The following ZC3H7A variants were observed in gnomAD, a reference collection of about 807,000 sequenced individuals.
ZC3H7A encodes the protein zinc finger CCCH-type containing 7A, also known as zinc finger CCCH domain-containing protein 7A.
ZC3H7A carries 44 observed loss-of-function variants against 125.5 expected under a neutral mutation model. The ratio of observed to expected loss-of-function variants is 0.35; its 90% CI spans 0.28 to 0.45. ZC3H7A has a LOEUF of 0.45. Among genes scored for constraint, ZC3H7A ranks in the 20% least tolerant of loss-of-function variants. The probability of loss-of-function intolerance (pLI) is 1.00; values close to 1 mark genes in which losing one functional copy is unlikely to be tolerated. For synonymous variants in ZC3H7A, 399 were observed against 391.2 expected, an observed-to-expected ratio of 1.02 and a Z score of -0.23; for missense variants, 977 against 1,170.7, an observed-to-expected ratio of 0.83 and a Z score of 2.41.
chr16:11,769,784 CTTTTT>C (rs200241879), intron 10 of ZC3H7A, among the ~76,000 whole-genome samples: 19 of 61,618 alleles, frequency 3.1e-4, no homozygotes, highest in African/African-American at 1.1e-3. Flanking sequence ...CAATTGCTTT[CTTTTT>C]TTTTTTTTTT....
intron 19 of ZC3H7A, among the ~76,000 whole-genome samples, chr16:11,760,122 G>GAAAACAAAAAAAAAA (rs2052722405): frequency 1.2e-5 from 1 of 82,532 alleles, no homozygotes; most frequent in African/African-American, 5.4e-5. Flanking sequence ...AAGAAAAAAT[G>GAAAACAAAAAAAAAA]AAAAAAAAAA....
At chr16:11,774,856 C>A in intron 8 of ZC3H7A, 124 bp downstream of exon 8, 2 of 1,170,884 alleles carry the variant, frequency 1.7e-6, no homozygotes, top group South Asian at 1.4e-5. Context: ...TTTTCACTTT[C>A]ATATTAATAC....
intron 1 of ZC3H7A, among the ~76,000 whole-genome samples, chr16:11,789,335 G>A (rs2053312872): frequency 6.6e-6 from 1 of 151,804 alleles, no homozygotes; most frequent in African/African-American, 2.4e-5. Context: ...ACAATCTCCA[G>A]CCTCCGCTTC....
chr16:11,755,044 C>T (rs1185482480), intron 21 of ZC3H7A, among the ~76,000 whole-genome samples: 5 of 150,824 alleles, frequency 3.3e-5, no homozygotes, highest in African/African-American at 9.8e-5. Context: ...CCCGTCTCTA[C>T]CAAAAACACA....
In ZC3H7A at chr16:11,763,496, T is replaced by C. The variant is rs746129712; in HGVS notation, c.1984A>G (p.Ile662Val). 3.1e-6 allele frequency: 5 copies of C among 1,603,922 alleles called. No homozygotes were observed. Among genetic ancestry groups the C allele is most frequent in the Non-Finnish European group, 4.3e-6 (5 of 1,174,454 alleles). ...AACCTACCTGTTTCATTTTGCATTA[T>C]CCAGACTTTCAGTTCCACAAGACTA... is the stretch of plus-strand genomic sequence containing the variant. ...AHSLVELKVW[I>V]MQNETGISHD... The change falls in exon 16 of 23, where the codon ATA (isoleucine) becomes GTA (valine). Residue 662 changes from isoleucine (I) to valine (V), a missense_variant. By Grantham distance (29) the Ile-to-Val change is conservative. Transcript: ENST00000355758.
At chr16:11,792,976 ACGT>A (rs1276490633) in intron 1 of ZC3H7A, among the ~76,000 whole-genome samples, 1 of 152,208 alleles carries the variant, frequency 6.6e-6, no homozygotes, top group Non-Finnish European at 1.5e-5. Context: ...TGCTCAACAG[ACGT>A]CATTTAATGC....
Position 11,774,484 on chromosome 16 carries a change from C to T in ZC3H7A, c.655G>A (p.Val219Ile), listed in dbSNP as rs967470133. 1.3e-6 allele frequency: 2 copies of T among 1,571,624 alleles called. No individual in the cohort carries two copies. Among genetic ancestry groups the T allele is most frequent in the African/African-American group, 2.7e-5 (2 of 73,516 alleles). The change falls in exon 9 of 23, where the codon GTC (valine) becomes ATC (isoleucine). Residue 219 changes from valine (V) to isoleucine (I), a missense_variant. Around this residue, in one of 3 missense-constraint regions of ZC3H7A, gnomAD observed 342 missense variants for 311.3 expected, o/e 1.10. Transcript: ENST00000355758. ...LTPRQEAVPV[V>I]SLPAPSFSHE... ...GAAAAACTGGGTGCCGGTAAAGAGA[C>T]AACAGGAACTGCTTCTTGCCTTGGA...
chr16:11,751,606 A>G, intron 22 of ZC3H7A, 100 bp from the exon 23 acceptor site: 1 of 1,238,956 alleles, frequency 8.1e-7, no homozygotes, highest in Non-Finnish European at 1.1e-6. Context: ...TATGATTTGC[A>G]TACAACTTTT....
At chr16:11,779,613 GT>G (rs998395718) in intron 3 of ZC3H7A, among the ~76,000 whole-genome samples, 1 of 152,134 alleles carries the variant, frequency 6.6e-6, no homozygotes, top group African/African-American at 2.4e-5. Context: ...ATAAATATTT[GT>G]TCACATCTCC....
intron 4 of ZC3H7A, among the ~76,000 whole-genome samples, chr16:11,778,898 G>C (rs1034487298): frequency 1.1e-4 from 16 of 151,912 alleles, no homozygotes; most frequent in Non-Finnish European, 2.1e-4. Context: ...ATTTTTAGTA[G>C]AGACGGGGTT....
rs759931793 is a variant in ZC3H7A at position 11,765,576 on chromosome 16, C to T, written c.1632G>A (p.Glu544=). ...TLERKGAFSR[E]AFFGGNGKIN... ...TCTTTCCATTGCCGCCAAAGAAAGC[C>T]TCCCGGCTGAATGCTCCTTTCCGCT... Residue 544 remains glutamate, a synonymous_variant, in exon 14 of 23, where the codon GAG becomes GAA. Transcript: ENST00000355758. This position sits in a 1 kb window ranked among gnomAD's most constrained non-coding sequence, Gnocchi z 4.8. The T allele has an allele frequency of 1.2e-6, 2 of 1,614,160 alleles. No individual in the cohort carries two copies. Among genetic ancestry groups the T allele is most frequent in the Admixed American group, 1.7e-5 (1 of 60,020 alleles).
At position 11,776,443 on chromosome 16, in the gene ZC3H7A, C is replaced by T. The variant is rs1295147787; in HGVS notation, c.546+9G>A. On this transcript the variant is annotated intron_variant, in intron 6 of 22. Coordinates refer to ENST00000355758, the MANE Select transcript of ZC3H7A (RefSeq NM_014153.4). ...ATGAAAACACCTTATGCAGAGAACTCCAGCTTACCTCAGCTCTGACATACG... is the reference window on the plus strand; with the variant it reads ...ATGAAAACACCTTATGCAGAGAACTTCAGCTTACCTCAGCTCTGACATACG... 6.2e-7 allele frequency: 1 copy of T among 1,607,414 alleles called. No individual in the cohort carries two copies. The highest frequency in any genetic ancestry group is 1.1e-5 in the South Asian group (1 of 88,860).
chr16:11,763,595 G>A lies in ZC3H7A; in HGVS notation c.1885C>T (p.Gln629Ter), dbSNP rs2052791356. 6.2e-7 allele frequency: 1 copy of A among 1,609,638 alleles called. No homozygotes were observed. The change falls in exon 16 of 23, where the codon CAG (glutamine) becomes TAG (stop). Residue 629 changes from glutamine to a stop codon, truncating the protein, a stop_gained. Coordinates refer to ENST00000355758, the MANE Select transcript of ZC3H7A (RefSeq NM_014153.4). LOFTEE classifies it high-confidence loss of function. ...TGTCGACATAAATCAAGCTGACACT[G>A]ACCATGAAAAGAACGTATTTTGGAG... ...KYSKIRSFHG[Q>*]CQLDLCRHEV...
rs549622778 is a variant in ZC3H7A at position 11,789,403 on chromosome 16, C to T, written c.-34-7015G>A. 1.1e-3 allele frequency among the ~76,000 whole-genome samples: 166 copies of T among 152,136 alleles called. 1 individual carries two copies. The highest frequency in any genetic ancestry group is 3.4e-3 in the Middle Eastern group (1 of 294). Reference sequence around the variant, plus strand: ...CCAAGTAGCTGGGATTACAGGCGCACGTCACCAGGCCTGGCTAATTTTTGT... The same window carrying T: ...CCAAGTAGCTGGGATTACAGGCGCATGTCACCAGGCCTGGCTAATTTTTGT... On this transcript the variant is annotated intron_variant, in intron 1 of 22. Transcript: ENST00000355758.
chr16:11,757,312 G>A (rs937672902), intron 20 of ZC3H7A, among the ~76,000 whole-genome samples: 2 of 151,628 alleles, frequency 1.3e-5, no homozygotes, highest in African/African-American at 2.4e-5. Flanking sequence ...GTGAAACCCC[G>A]GCTCTACTAA....
At chr16:11,761,267 C>T (rs912036613) in intron 19 of ZC3H7A, 139 bp downstream of exon 19, 5 of 806,622 alleles carry the variant, frequency 6.2e-6, no homozygotes, top group Non-Finnish European at 9.8e-6. Flanking sequence ...GGAAGGAAAA[C>T]CAAAGAGGAA....
At chr16:11,782,228 A>G (rs1248852574) in intron 2 of ZC3H7A, 59 bp downstream of exon 2, 4 of 1,594,536 alleles carry the variant, frequency 2.5e-6, no homozygotes, top group African/African-American at 1.3e-5. Context: ...TCCACAAAAC[A>G]TACATCCACA....
At chr16:11,758,603 C>A in intron 19 of ZC3H7A, 64 bp from the exon 20 acceptor site, 1 of 1,152,210 alleles carries the variant, frequency 8.7e-7, no homozygotes, top group Non-Finnish European at 1.3e-6. Context: ...CTAATTTTTA[C>A]ATTTAAGCAA....
intron 4 of ZC3H7A, among the ~76,000 whole-genome samples, chr16:11,778,041 TAAAAGGAAA>T (rs1200856270): frequency 1.3e-5 from 2 of 149,050 alleles, no homozygotes; most frequent in East Asian, 2.0e-4. Flanking sequence ...AAAAAAGTTT[TAAAAGGAAA>T]AAAAGAAAAA....
Sources: gnomAD v4.1 joint callset for allele counts (sites outside exome capture counted in the v4.1 genomes callset) on GRCh38, gnomAD v4.1.1 for gene constraint, gnomAD v4.1.1 regional missense constraint, Gnocchi (gnomAD v3.1) non-coding constraint, MANE v1.5 for transcripts, NCBI Gene and HGNC (gene_info 2026-07-23, HGNC 2026-07-21) for gene names.